The following MCC variants were observed in gnomAD, a reference collection of about 807,000 sequenced individuals.
MCC encodes the protein colorectal mutant cancer protein.
MCC carries 90 observed loss-of-function variants against 116.2 expected under a neutral mutation model. That is an observed-to-expected ratio of 0.77 (90% CI 0.65 to 0.92). The LOEUF is 0.92. Among genes scored for constraint, MCC ranks in the 40% least tolerant of loss-of-function variants. The pLI is 0.00. For synonymous variants in MCC, 578 were observed against 510.5 expected, an observed-to-expected ratio of 1.13 and a Z score of -1.78; for missense variants, 1,516 against 1,312.2, an observed-to-expected ratio of 1.16 and a Z score of -2.40.
At chr5:113,242,565 G>C (rs943412843) in intron 3 of MCC, among the ~76,000 whole-genome samples, 1 of 151,782 alleles carries the variant, frequency 6.6e-6, no homozygotes, top group African/African-American at 2.4e-5. Flanking sequence ...TCAAGAATCT[G>C]GGTTTCCTAT....
chr5:113,310,911 T>C (rs1454149280), intron 3 of MCC, among the ~76,000 whole-genome samples: 1 of 152,216 alleles, frequency 6.6e-6, no homozygotes. Context: ...AAAAAAATAT[T>C]TATCACCCAC....
intron 17 of MCC, among the ~76,000 whole-genome samples, chr5:113,039,696 G>A (rs1415663692): frequency 6.7e-6 from 1 of 149,372 alleles, no homozygotes; most frequent in Non-Finnish European, 1.5e-5. Context: ...ACTCAGCCTT[G>A]CCGTCCCACT....
At chr5:113,047,493 A>G (rs892803182) in intron 16 of MCC, among the ~76,000 whole-genome samples, 1 of 152,214 alleles carries the variant, frequency 6.6e-6, no homozygotes, top group African/African-American at 2.4e-5. Context: ...ATCATGCTTC[A>G]GAGTTCTTAA....
chr5:113,200,599 C>T (rs980719768), intron 3 of MCC, among the ~76,000 whole-genome samples: 1 of 152,230 alleles, frequency 6.6e-6, no homozygotes, highest in African/African-American at 2.4e-5. Context: ...CAGGTCTGCA[C>T]AGCAGACTGA....
At chr5:113,076,397 G>A in intron 11 of MCC, among the ~76,000 whole-genome samples, 1 of 152,288 alleles carries the variant, frequency 6.6e-6, no homozygotes, top group East Asian at 1.9e-4. Context: ...AAAATGTTAA[G>A]GGCAGCCACA....
chr5:113,293,614 C>A (rs1278554758), intron 3 of MCC, among the ~76,000 whole-genome samples: 1 of 152,140 alleles, frequency 6.6e-6, no homozygotes, highest in Non-Finnish European at 1.5e-5. Flanking sequence ...GGCATCTTAC[C>A]GCTCACACAT....
At chr5:113,219,028 T>C (rs1456189256) in intron 3 of MCC, among the ~76,000 whole-genome samples, 1 of 152,206 alleles carries the variant, frequency 6.6e-6, no homozygotes, top group African/African-American at 2.4e-5. Flanking sequence ...AAATTCCTGA[T>C]ATAACAGAGA....
At chr5:113,339,402 T>G (rs11241200) in intron 3 of MCC, among the ~76,000 whole-genome samples, 81,670 of 150,850 alleles carry the variant, frequency 0.54, 23,874 homozygotes, top group African/African-American at 0.76. Context: ...TTATCTAGGC[T>G]TCCTTAGTGT....
At chr5:113,295,378 C>G (rs943444006) in intron 3 of MCC, among the ~76,000 whole-genome samples, 1 of 151,992 alleles carries the variant, frequency 6.6e-6, no homozygotes. Flanking sequence ...AATTCAATGT[C>G]AAACTCCCTC....
At chr5:113,159,538 C>A (rs922781810) in intron 3 of MCC, among the ~76,000 whole-genome samples, 1 of 152,166 alleles carries the variant, frequency 6.6e-6, no homozygotes, top group African/African-American at 2.4e-5. Flanking sequence ...CCAGAGGCTA[C>A]CTCTCTCCCA....
At chr5:113,301,071 C>T (rs952967724) in intron 3 of MCC, among the ~76,000 whole-genome samples, 1 of 152,190 alleles carries the variant, frequency 6.6e-6, no homozygotes, top group Non-Finnish European at 1.5e-5. Flanking sequence ...AGATATTGTC[C>T]TGCATGTGCC....
intron 6 of MCC, among the ~76,000 whole-genome samples, chr5:113,113,034 C>G (rs1388765163): frequency 6.6e-6 from 1 of 152,188 alleles, no homozygotes; most frequent in Non-Finnish European, 1.5e-5. Flanking sequence ...AGCTGTAGGC[C>G]TGCTACGATG....
chr5:113,134,719 A>T (rs181998113), intron 5 of MCC, among the ~76,000 whole-genome samples: 16 of 151,682 alleles, frequency 1.1e-4, no homozygotes, highest in Admixed American at 9.2e-4. Context: ...CTGGAGCCTG[A>T]AATTTTTTTG....
At chr5:113,294,305 C>A (rs770121313) in intron 3 of MCC, 10 of 1,613,430 alleles carry the variant, frequency 6.2e-6, no homozygotes, top group Non-Finnish European at 8.5e-6. Flanking sequence ...GAAACCCTAG[C>A]TCCCGACCTC....
At chr5:113,070,298 A>T (rs62373348) in intron 12 of MCC, among the ~76,000 whole-genome samples, 21,032 of 152,234 alleles carry the variant, frequency 0.14, 1,605 homozygotes, top group African/African-American at 0.21. Context: ...AAGTGGTAAC[A>T]CTAATAAAAG....
chr5:113,303,618 T>C (rs963811202), intron 3 of MCC, among the ~76,000 whole-genome samples: 9 of 152,076 alleles, frequency 5.9e-5, no homozygotes, highest in Admixed American at 5.9e-4. Context: ...CGAGTGTGGA[T>C]TGAATGGTGT....
At chr5:113,343,638 C>A (rs1768063775) in intron 2 of MCC, among the ~76,000 whole-genome samples, 1 of 152,210 alleles carries the variant, frequency 6.6e-6, no homozygotes, top group Non-Finnish European at 1.5e-5. Context: ...ATGTTCACCA[C>A]AGTACTCTCA....
At chr5:113,294,293 G>A (rs758287747) in intron 3 of MCC, 4 of 1,613,158 alleles carry the variant, frequency 2.5e-6, no homozygotes, top group Non-Finnish European at 3.4e-6. Flanking sequence ...GCAAACGCCC[G>A]AGAAACCCTA....
At chr5:113,344,878 A>G (rs540782937) in intron 2 of MCC, among the ~76,000 whole-genome samples, 1 of 152,194 alleles carries the variant, frequency 6.6e-6, no homozygotes, top group Non-Finnish European at 1.5e-5. Context: ...TGGTGTCTAC[A>G]GTGAAAGACT....
Sources: gnomAD v4.1 joint callset for allele counts (sites outside exome capture counted in the v4.1 genomes callset) on GRCh38, gnomAD v4.1.1 for gene constraint, MANE v1.5 for transcripts, NCBI Gene and HGNC (gene_info 2026-07-23, HGNC 2026-07-21) for gene names.